SRPK2: variants seen among roughly 807,000 people sequenced by gnomAD.
The protein encoded by SRPK2 is SRSF protein kinase 2, also known as SFRS protein kinase 2.
A neutral mutation model predicts 90.8 loss-of-function variants in SRPK2; 21 were observed. The observed-to-expected ratio is 0.23, with a 90% confidence interval of 0.16 to 0.33. The LOEUF (loss-of-function observed/expected upper bound fraction) is 0.33. SRPK2 is among the 10% of genes least tolerant of loss of function. The pLI is 1.00. For synonymous variants in SRPK2, 288 were observed against 311.1 expected (o/e 0.93, Z 0.78); for missense variants, 620 against 869.0 (o/e 0.71, Z 3.60).
intron 7 of SRPK2, among the ~76,000 whole-genome samples, chr7:105,151,605 G>A (rs1435524764): frequency 6.6e-6 from 1 of 152,178 alleles, no homozygotes; most frequent in East Asian, 1.9e-4. Context: ...GCTATTCAGA[G>A]GTGTAAGTAA....
intron 2 of SRPK2, among the ~76,000 whole-genome samples, chr7:105,305,643 G>A (rs1382639194): frequency 6.7e-6 from 1 of 149,176 alleles, no homozygotes; most frequent in Non-Finnish European, 1.5e-5. Flanking sequence ...GAAGCACACT[G>A]TTGGAGAGGA....
At chr7:105,268,234 G>A (rs903588750) in intron 2 of SRPK2, among the ~76,000 whole-genome samples, 3 of 152,080 alleles carry the variant, frequency 2.0e-5, no homozygotes, top group Non-Finnish European at 2.9e-5. Context: ...AACCATTACT[G>A]CATGCAGTGA....
At chr7:105,330,691 G>T (rs991003399) in intron 2 of SRPK2, among the ~76,000 whole-genome samples, 2 of 152,170 alleles carry the variant, frequency 1.3e-5, no homozygotes, top group East Asian at 3.9e-4. Context: ...AAAAGTGGTG[G>T]CAAGAGGGTC....
intron 13 of SRPK2, among the ~76,000 whole-genome samples, chr7:105,132,075 T>C (rs1402112894): frequency 6.6e-6 from 1 of 152,120 alleles, no homozygotes; most frequent in East Asian, 1.9e-4. Flanking sequence ...ACAATGCAAC[T>C]GTGCAGCACA....
At chr7:105,319,587 G>C (rs1411037132) in intron 2 of SRPK2, among the ~76,000 whole-genome samples, 1 of 138,408 alleles carries the variant, frequency 7.2e-6, no homozygotes, top group Non-Finnish European at 1.5e-5. Context: ...TCCGGTTAAA[G>C]GAAACTAAAT....
intron 2 of SRPK2, among the ~76,000 whole-genome samples, chr7:105,383,754 G>C (rs1452451885): frequency 6.6e-6 from 1 of 152,150 alleles, no homozygotes; most frequent in East Asian, 1.9e-4. Context: ...TGGATAAATG[G>C]ATAAAATGTG....
At chr7:105,176,615 G>GTC (rs1791925427) in intron 3 of SRPK2, among the ~76,000 whole-genome samples, 1 of 13,820 alleles carries the variant, frequency 7.2e-5, no homozygotes, top group African/African-American at 2.9e-4. Context: ...GTGTGTATAC[G>GTC]TGTGTGTATA....
intron 2 of SRPK2, among the ~76,000 whole-genome samples, chr7:105,312,878 C>CG (rs1811874451): frequency 1.3e-5 from 2 of 152,096 alleles, no homozygotes; most frequent in Non-Finnish European, 2.9e-5. Flanking sequence ...CTCAAGTGAT[C>CG]CTCCCACCTT....
rs1301131968 is a variant in SRPK2 at position 105,249,840 on chromosome 7, AACTAT to A, written c.72-46060_72-46056del. Among the ~76,000 whole-genome samples, 4 of 152,318 alleles carry A rather than the reference AACTAT, an allele frequency of 2.6e-5. No individual in the cohort carries two copies. The East Asian group carries it at 5.8e-4, about 22-fold the overall frequency. Reference sequence around the variant, plus strand: ...ATGAACTTTTAACTTCCAAAACCTCAACTATACTAAAGTTAAAAAAAATAGTAATT... The same window carrying A: ...ATGAACTTTTAACTTCCAAAACCTCAACTAAAGTTAAAAAAAATAGTAATT... On this transcript the variant is annotated intron_variant, in intron 2 of 15. Coordinates refer to ENST00000393651, the MANE Select transcript of SRPK2 (RefSeq NM_182692.3).
chr7:105,389,646 C>T (rs555163584), upstream of SRPK2, among the ~76,000 whole-genome samples: 1 of 152,280 alleles, frequency 6.6e-6, no homozygotes, highest in South Asian at 2.1e-4. Context: ...TTTTCTGCAT[C>T]CTACAATGAG....
intron 2 of SRPK2, among the ~76,000 whole-genome samples, chr7:105,254,429 A>C (rs60247952): frequency 0.05 from 7,660 of 152,304 alleles, 651 homozygotes; most frequent in African/African-American, 0.17. Context: ...AGAGCCTTAC[A>C]AATTGGCTTC....
intron 2 of SRPK2, among the ~76,000 whole-genome samples, chr7:105,328,622 TG>T (rs1349608316): frequency 6.6e-6 from 1 of 150,500 alleles, no homozygotes; most frequent in Admixed American, 6.6e-5. Flanking sequence ...CCCAGCACTT[TG>T]GGAGGCCGAG....
chr7:105,116,605 A>T lies in SRPK2; in HGVS notation c.*1233T>A, dbSNP rs2129570645. ...TAAAAGAGGCTAAATATACCTCTAT[A>T]TATTACATTCTAAAATTGTATTGCC... is the stretch of plus-strand genomic sequence containing the variant. On this transcript the variant is annotated 3_prime_UTR_variant, in exon 16 of 16. Transcript: ENST00000393651. The T allele has an allele frequency of 6.5e-6, 1 of 152,768 alleles. No homozygotes were observed. The highest frequency in any genetic ancestry group is 1.9e-4 in the East Asian group (1 of 5,190). 9.5% of individuals were successfully genotyped at this position (152,768 alleles called of 1,614,324 possible).
At chr7:105,210,438 CTAAT>C (rs1455948594) in intron 2 of SRPK2, among the ~76,000 whole-genome samples, 12 of 152,152 alleles carry the variant, frequency 7.9e-5, no homozygotes, top group Admixed American at 5.2e-4. Flanking sequence ...TACCCAATTT[CTAAT>C]TAATAGTAGA....
intron 2 of SRPK2, among the ~76,000 whole-genome samples, chr7:105,248,437 A>T (rs1432537481): frequency 1.4e-4 from 6 of 42,148 alleles, no homozygotes; most frequent in East Asian, 2.9e-4. Flanking sequence ...CAAAAAATTT[A>T]AAAAAAAAAA....
intron 2 of SRPK2, among the ~76,000 whole-genome samples, chr7:105,314,404 C>T (rs1812077757): frequency 6.6e-6 from 1 of 151,878 alleles, no homozygotes; most frequent in Admixed American, 6.6e-5. Flanking sequence ...TTTATTTTTT[C>T]AAGACAGAGT....
At chr7:105,203,480 T>G in intron 3 of SRPK2, 148 bp downstream of exon 3, 1 of 816,260 alleles carries the variant, frequency 1.2e-6, no homozygotes, top group Non-Finnish European at 1.7e-6. Context: ...GACCTAAGAA[T>G]TTAAAATGAT....
At chr7:105,278,266 G>A in intron 2 of SRPK2, among the ~76,000 whole-genome samples, 1 of 148,256 alleles carries the variant, frequency 6.7e-6, no homozygotes, top group East Asian at 2.0e-4. Flanking sequence ...AGTGAGCTGA[G>A]ATCACGCTAC....
intron 2 of SRPK2, among the ~76,000 whole-genome samples, chr7:105,260,510 T>C (rs2129886080): frequency 6.6e-6 from 1 of 152,314 alleles, no homozygotes; most frequent in Admixed American, 6.5e-5. Context: ...AAATACCATT[T>C]GACCCAGCAA....
Sources: gnomAD v4.1 joint callset for allele counts (sites outside exome capture counted in the v4.1 genomes callset) on GRCh38, gnomAD v4.1.1 for gene constraint, MANE v1.5 for transcripts, NCBI Gene and HGNC (gene_info 2026-07-23, HGNC 2026-07-21) for gene names.